The following ATP13A1 variants were observed in gnomAD, a reference collection of about 807,000 sequenced individuals.
The protein encoded by ATP13A1 is endoplasmic reticulum transmembrane helix translocase.
A neutral mutation model predicts 134.8 loss-of-function variants in ATP13A1; 55 were observed. The ratio of observed to expected loss-of-function variants is 0.41; its 90% CI spans 0.33 to 0.51. The LOEUF is 0.51. Ranked by LOEUF, ATP13A1 falls within the 20% of genes least tolerant of loss-of-function variation. The pLI is 0.29. For synonymous variants in ATP13A1, 775 were observed against 725.1 expected (o/e 1.07, Z -1.10); for missense variants, 1,389 against 1,652.8 (o/e 0.84, Z 2.77).
Position 19,647,764 on chromosome 19 carries a change from G to C in ATP13A1, c.2633-5C>G. On this transcript the variant is annotated splice_region_variant and splice_polypyrimidine_tract_variant and intron_variant, in intron 19 of 25. Coordinates refer to ENST00000357324, the MANE Select transcript of ATP13A1 (RefSeq NM_020410.3). The surrounding 1 kb of genome is among the most constrained non-coding windows in gnomAD (Gnocchi z 4.8). ...CATTGGCCAAGAGCGCCACACCTGG[G>C]GGGCAGGAGGGTGTCAGACCCGGAG... 3 of 1,588,376 alleles carry C rather than the reference G, an allele frequency of 1.9e-6. No individual in the cohort carries two copies. The highest frequency in any genetic ancestry group is 1.3e-5 in the African/African-American group (1 of 74,776).
chr19:19,662,249 A>G (rs2062099639), intron 1 of ATP13A1: 1 of 1,482,098 alleles, frequency 6.7e-7, no homozygotes, highest in Non-Finnish European at 8.9e-7. Context: ...GTACTACCTC[A>G]AAGCTACCAC....
Position 19,653,718 on chromosome 19 carries a change from A to G in ATP13A1, c.2100+66T>C. On this transcript the variant is annotated intron_variant, in intron 15 of 25. Coordinates refer to ENST00000357324, the MANE Select transcript of ATP13A1 (RefSeq NM_020410.3). This position sits in a 1 kb window ranked among gnomAD's most constrained non-coding sequence, Gnocchi z 4.2. The stretch of plus-strand genomic sequence containing the variant: ...TCAACCTGGCACTGTGGGACACAGG[A>G]GGTGACTCAGGGAGGAGCTGACGGG... 2.2e-6 allele frequency: 3 copies of G among 1,366,498 alleles called. No homozygotes were observed. Among genetic ancestry groups the G allele is most frequent in the Non-Finnish European group, 3.0e-6 (3 of 990,732 alleles). 84.6% of individuals were successfully genotyped at this position (1,366,498 alleles called of 1,614,324 possible).
At position 19,655,546 on chromosome 19, in the gene ATP13A1, C is replaced by T. The variant is rs2062051977; in HGVS notation, c.1378G>A (p.Ala460Thr). 2 of 1,613,866 alleles carry T rather than the reference C, an allele frequency of 1.2e-6. No individual in the cohort carries two copies. The highest frequency in any genetic ancestry group is 2.2e-5 in the East Asian group (1 of 44,892). ...FLLVFAIAAA[A>T]YVWIEGTKDP... is the part of the protein sequence containing the mutation. ...CGCTTACCTTCAATCCATACATAGGCAGCTGCAGCGATGGCAAACACCAGG... is the reference window on the plus strand; with the variant it reads ...CGCTTACCTTCAATCCATACATAGGTAGCTGCAGCGATGGCAAACACCAGG... Residue 460 changes from alanine (A) to threonine (T), a missense_variant, in exon 10 of 26, where the codon GCC becomes ACC. Transcript: ENST00000357324. This position sits in a 1 kb window ranked among gnomAD's most constrained non-coding sequence, Gnocchi z 5.7.
rs774653942 is a variant in ATP13A1, at chr19:19,656,396, G to A, written c.1084-213C>T. 1.1e-4 allele frequency among the ~76,000 whole-genome samples: 17 copies of A among 152,078 alleles called. No individual in the cohort carries two copies. Among genetic ancestry groups the A allele is most frequent in the Admixed American group, 5.2e-4 (8 of 15,270 alleles). ...GCCTGCTCTCTGGGGCCTGCACTTG[G>A]CCTCGTCTGGGACTCACCCCTCTGG... On this transcript the variant is annotated intron_variant, in intron 7 of 25. Transcript: ENST00000357324. This position sits in a 1 kb window ranked among gnomAD's most constrained non-coding sequence, Gnocchi z 4.6.
Position 19,663,158 on chromosome 19 carries a change from G to A in ATP13A1, c.396+113C>T, listed in dbSNP as rs768427046. ...TGTAGAGGGTGCCCCTGGGAATCCA[G>A]GCCAGGCAGATGAGTGGCCCAGGTC... On this transcript the variant is annotated intron_variant, in intron 1 of 25. Transcript: ENST00000357324. The A allele has an allele frequency of 3.6e-5, 53 of 1,463,028 alleles. No homozygotes were observed. The East Asian group carries it at 1.2e-3, about 33-fold the overall frequency. The allele number at this position is 1,463,028 out of a possible 1,614,324, so 90.6% of individuals were successfully genotyped here.
At position 19,655,113 on chromosome 19, in the gene ATP13A1, GC is replaced by G; in HGVS notation, c.1655+5del. 6.2e-7 allele frequency: 1 copy of G among 1,613,624 alleles called. No individual in the cohort carries two copies. The highest frequency in any genetic ancestry group is 1.1e-5 in the South Asian group (1 of 91,052). Reference sequence around the variant, plus strand: ...TGACCTTTGCTGCAGGGCCCCTGATGCTTACCTCAGCCCGGCCACACCGCGC... The same window carrying G: ...TGACCTTTGCTGCAGGGCCCCTGATGTTACCTCAGCCCGGCCACACCGCGC... On this transcript the variant is annotated splice_donor_5th_base_variant and intron_variant, in intron 12 of 25. Coordinates refer to ENST00000357324, the MANE Select transcript of ATP13A1 (RefSeq NM_020410.3). This position sits in a 1 kb window ranked among gnomAD's most constrained non-coding sequence, Gnocchi z 5.7.
At chr19:19,659,115 G>A (rs1297303809) in intron 3 of ATP13A1, among the ~76,000 whole-genome samples, 1 of 152,084 alleles carries the variant, frequency 6.6e-6, no homozygotes, top group African/African-American at 2.4e-5. Context: ...TGGACTTAGA[G>A]CATGTTGCTC....
chr19:19,652,490 T>C (rs1288377827), intron 16 of ATP13A1, 105 bp downstream of exon 16: 2 of 1,438,560 alleles, frequency 1.4e-6, no homozygotes, highest in East Asian at 2.5e-5. Context: ...AGCTAAAACA[T>C]GCAGCCTGTG....
intron 19 of ATP13A1, among the ~76,000 whole-genome samples, chr19:19,648,760 G>GC (rs2062003600): frequency 7.2e-6 from 1 of 138,482 alleles, no homozygotes; most frequent in Non-Finnish European, 1.5e-5. Flanking sequence ...AGTGAGCTGA[G>GC]ACCGTGCTAT....
intron 1 of ATP13A1, chr19:19,661,957 C>A: frequency 7.1e-7 from 1 of 1,402,958 alleles, no homozygotes; most frequent in Non-Finnish European, 9.8e-7. Flanking sequence ...ATCATCTCCG[C>A]TTCTCAAGAT....
In ATP13A1 at chr19:19,655,340, A is replaced by C; in HGVS notation, c.1510T>G (p.Ser504Ala). ...CAGAGCTTGGCCAGGGCGATGAGGG[A>C]GGTGTTGACGGCCAGGGACAGCTCG... ...PIELSLAVNT[S>A]LIALAKLYMY... The change falls in exon 11 of 26, where the codon TCC (serine) becomes GCC (alanine). Residue 504 changes from serine to alanine, a missense_variant. Transcript: ENST00000357324. This position sits in a 1 kb window ranked among gnomAD's most constrained non-coding sequence, Gnocchi z 5.7. 6.2e-7 allele frequency: 1 copy of C among 1,613,842 alleles called. No individual in the cohort carries two copies.
At chr19:19,663,119 A>T in intron 1 of ATP13A1, 152 bp downstream of exon 1, 2 of 1,162,048 alleles carry the variant, frequency 1.7e-6, no homozygotes, top group Non-Finnish European at 2.5e-6. Context: ...GTCATGATTA[A>T]GCCTGCGCCA....
In ATP13A1 at chr19:19,655,504, G is replaced by T. The variant is rs1428757219; in HGVS notation, c.1396+24C>A. On this transcript the variant is annotated intron_variant, in intron 10 of 25. Coordinates refer to ENST00000357324, the MANE Select transcript of ATP13A1 (RefSeq NM_020410.3). This position sits in a 1 kb window ranked among gnomAD's most constrained non-coding sequence, Gnocchi z 5.7. Reference sequence around the variant, plus strand: ...GGAGCCTCGGAGGGTGGGCGCAGGGGACCACAGAGGCCGTGGCGCTTACCT... The same window carrying T: ...GGAGCCTCGGAGGGTGGGCGCAGGGTACCACAGAGGCCGTGGCGCTTACCT... 2 of 1,613,944 alleles carry T rather than the reference G, an allele frequency of 1.2e-6. No homozygotes were observed. Among genetic ancestry groups the T allele is most frequent in the Admixed American group, 3.3e-5 (2 of 60,022 alleles).
At position 19,647,703 on chromosome 19, in the gene ATP13A1, G is replaced by C; in HGVS notation, c.2689C>G (p.Arg897Gly). Residue 897 changes from arginine (R) to glycine (G), a missense_variant, in exon 20 of 26, where the codon CGG becomes GGG. This residue lies in a region of ATP13A1 where 121 missense variants were observed against 104.9 expected (regional missense o/e 1.15). Coordinates refer to ENST00000357324, the MANE Select transcript of ATP13A1 (RefSeq NM_020410.3). The surrounding 1 kb of genome is among the most constrained non-coding windows in gnomAD (Gnocchi z 4.8). ...CTGTTGCTCAGGGTTGGGCTGTCCC[G>C]GGGCCGCCGTCGCCGCTCGACAACC... Reference protein sequence around the residue: ...ERVVERRRRPRDSPTLSNSGI... With the variant: ...ERVVERRRRPGDSPTLSNSGI... 6.2e-7 allele frequency: 1 copy of C among 1,610,430 alleles called. No homozygotes were observed.
rs764752585 is a variant in ATP13A1, at chr19:19,647,648, T to C, written c.2744A>G (p.Lys915Arg). 2.5e-6 allele frequency: 4 copies of C among 1,613,182 alleles called. No individual in the cohort carries two copies. Among genetic ancestry groups the C allele is most frequent in the Non-Finnish European group, 3.4e-6 (4 of 1,179,846 alleles). Residue 915 changes from lysine to arginine, a missense_variant, in exon 20 of 26, where the codon AAG (lysine) becomes AGG (arginine). By Grantham distance (26) the Lys-to-Arg change is conservative. This residue lies in a region of ATP13A1 where 121 missense variants were observed against 104.9 expected (regional missense o/e 1.15). Transcript: ENST00000357324. The surrounding 1 kb of genome is among the most constrained non-coding windows in gnomAD (Gnocchi z 4.8). Reference protein sequence around the residue: ...SGIRATSRTAKQRSGLPPSEE... With the variant: ...SGIRATSRTARQRSGLPPSEE... ...GGAGGGAGGGAGCCCCGACCGCTGC[T>C]TGGCTGTCCTGGAGGTGGCTCTGAT...
intron 1 of ATP13A1, among the ~76,000 whole-genome samples, chr19:19,661,518 C>T (rs1438285834): frequency 6.6e-6 from 1 of 152,188 alleles, no homozygotes; most frequent in African/African-American, 2.4e-5. Context: ...TCTAAAGTTC[C>T]CGGCAATGTC....
In ATP13A1 at chr19:19,654,144, T is replaced by C. The variant is rs1275920308; in HGVS notation, c.1814A>G (p.Asp605Gly). The part of the protein sequence containing the change: ...LTAVDWTLTK[D>G]EKVFPRSIKT... ...AATACTTCGGGGGAATACTTTCTCA[T>C]CTGGAAACAAATAAGTACGAGTCCT... is the stretch of plus-strand genomic sequence containing the variant. The change falls in exon 14 of 26, where the codon GAT (aspartate) becomes GGT (glycine). Residue 605 changes from aspartate to glycine, a missense_variant and splice_region_variant. Coordinates refer to ENST00000357324, the MANE Select transcript of ATP13A1 (RefSeq NM_020410.3). 1 of 1,583,166 alleles carries C rather than the reference T, an allele frequency of 6.3e-7. No individual in the cohort carries two copies. The highest frequency in any genetic ancestry group is 1.2e-5 in the South Asian group (1 of 86,894).
intron 3 of ATP13A1, 80 bp downstream of exon 3, chr19:19,659,521 G>A (rs982601089): frequency 8.8e-7 from 1 of 1,131,740 alleles, no homozygotes; most frequent in Non-Finnish European, 1.3e-6. Flanking sequence ...AGATGCCTCT[G>A]TCCCGCTTCC....
Position 19,656,363 on chromosome 19 carries a change from C to T in ATP13A1, c.1084-180G>A, listed in dbSNP as rs978753761. 6.6e-6 allele frequency among the ~76,000 whole-genome samples: 1 copy of T among 152,182 alleles called. No individual in the cohort carries two copies. The highest frequency in any genetic ancestry group is 2.4e-5 in the African/African-American group (1 of 41,440). On this transcript the variant is annotated intron_variant, in intron 7 of 25. Coordinates refer to ENST00000357324, the MANE Select transcript of ATP13A1 (RefSeq NM_020410.3). This position sits in a 1 kb window ranked among gnomAD's most constrained non-coding sequence, Gnocchi z 4.6. ...CCCGTCCTGTCTTCTCCCCATTGCACTCACAGTGCCTGCTCTCTGGGGCCT... is the reference window on the plus strand; with the variant it reads ...CCCGTCCTGTCTTCTCCCCATTGCATTCACAGTGCCTGCTCTCTGGGGCCT...
Sources: allele counts gnomAD v4.1 joint callset (sites outside exome capture counted in the v4.1 genomes callset), GRCh38; gene constraint gnomAD v4.1.1; regional missense constraint gnomAD v4.1.1; non-coding constraint Gnocchi (gnomAD v3.1); transcripts MANE v1.5; gene names NCBI Gene and HGNC (gene_info 2026-07-23, HGNC 2026-07-21).